PDZRN4: variants seen among roughly 807,000 people sequenced by gnomAD.
PDZRN4 encodes PDZ domain containing ring finger 4.
In PDZRN4, 70 loss-of-function variants were observed where a neutral mutation model predicts 99.0. That is an observed-to-expected ratio of 0.71 (90% CI 0.58 to 0.86). The LOEUF (loss-of-function observed/expected upper bound fraction) is 0.86. Ranked by LOEUF, PDZRN4 falls within the 40% of genes least tolerant of loss-of-function variation. The pLI is 0.00. For missense variants in PDZRN4, 1,474 were observed against 1,331.2 expected (o/e 1.11, Z -1.67); for synonymous variants, 551 against 501.6 (o/e 1.10, Z -1.32).
intron 3 of PDZRN4, among the ~76,000 whole-genome samples, chr12:41,428,802 C>T (rs1952561747): frequency 6.6e-6 from 1 of 152,124 alleles, no homozygotes; most frequent in Non-Finnish European, 1.5e-5. Flanking sequence ...TGAGCGAATG[C>T]AAGACCTGGC....
At chr12:41,439,490 G>A (rs1289720986) in intron 3 of PDZRN4, among the ~76,000 whole-genome samples, 2 of 152,068 alleles carry the variant, frequency 1.3e-5, no homozygotes, top group Non-Finnish European at 2.9e-5. Flanking sequence ...TATGGAGAGC[G>A]TGGTAGGTGG....
chr12:41,552,513 TA>T (rs11301675), intron 5 of PDZRN4, 142 bp from the exon 6 acceptor site: 203,687 of 398,958 alleles, frequency 0.51, 38,963 homozygotes, highest in East Asian at 0.56. Context: ...ATAATATTGG[TA>T]AAAAAAAAAA....
intron 7 of PDZRN4, among the ~76,000 whole-genome samples, chr12:41,560,164 T>C (rs1939245310): frequency 6.6e-6 from 1 of 152,206 alleles, no homozygotes; most frequent in African/African-American, 2.4e-5. Context: ...GATCACCTCC[T>C]TTGTCTCCAT....
intron 3 of PDZRN4, among the ~76,000 whole-genome samples, chr12:41,221,452 T>A (rs1199155094): frequency 6.6e-6 from 1 of 152,020 alleles, no homozygotes; most frequent in East Asian, 1.9e-4. Context: ...GAGCATTATA[T>A]GGAAGCTAGA....
rs12299607 is a variant in PDZRN4 at position 41,546,550 on chromosome 12, A to G, written c.1204-6106A>G. ...ACCTAGAAGAACATGTCAAACTATA[A>G]ACTGCTTGTGATTGTGAATGACTTT... On this transcript the variant is annotated intron_variant, in intron 5 of 9. Transcript: ENST00000402685. Among the ~76,000 whole-genome samples, 777 of 152,282 alleles carry G rather than the reference A, an allele frequency of 5.1e-3. 11 individuals are homozygous for G. The highest frequency in any genetic ancestry group is 0.018 in the African/African-American group (741 of 41,564).
intron 3 of PDZRN4, among the ~76,000 whole-genome samples, chr12:41,343,489 A>C (rs943438150): frequency 1.3e-5 from 2 of 151,956 alleles, no homozygotes; most frequent in East Asian, 3.9e-4. Flanking sequence ...CCATGTAACC[A>C]ATAACTACCT....
chr12:41,460,082 C>T, intron 3 of PDZRN4: 1 of 1,282,352 alleles, frequency 7.8e-7, no homozygotes, highest in Middle Eastern at 2.2e-4. Context: ...TAAATTTTCC[C>T]TATTTATATA....
intron 3 of PDZRN4, among the ~76,000 whole-genome samples, chr12:41,397,928 A>G (rs1203428357): frequency 4.6e-5 from 7 of 152,154 alleles, no homozygotes; most frequent in African/African-American, 1.7e-4. Flanking sequence ...GAGAGGTAAC[A>G]TGGTTTAAAA....
At chr12:41,242,229 T>C (rs1951105943) in intron 3 of PDZRN4, among the ~76,000 whole-genome samples, 1 of 152,206 alleles carries the variant, frequency 6.6e-6, no homozygotes. Flanking sequence ...TTAAACCCTA[T>C]TGAAAAGAAG....
chr12:41,363,512 AGGATGTAACTGTTTG>A (rs1951976867), intron 3 of PDZRN4, among the ~76,000 whole-genome samples: 1 of 152,104 alleles, frequency 6.6e-6, no homozygotes, highest in Admixed American at 6.6e-5. Flanking sequence ...GTATTTATTC[AGGATGTAACTGTTTG>A]GGATGCATCT....
intron 3 of PDZRN4, among the ~76,000 whole-genome samples, chr12:41,414,455 T>C (rs1952426340): frequency 6.6e-6 from 1 of 152,190 alleles, no homozygotes; most frequent in African/African-American, 2.4e-5. Flanking sequence ...GCCAATAATT[T>C]GTAAGTTTTG....
At chr12:41,496,642 A>C (rs1938010236) in intron 3 of PDZRN4, among the ~76,000 whole-genome samples, 1 of 152,130 alleles carries the variant, frequency 6.6e-6, no homozygotes, top group African/African-American at 2.4e-5. Context: ...CATTTAAGTC[A>C]AAGGAATAAT....
chr12:41,313,584 A>G (rs2120956227), intron 3 of PDZRN4, among the ~76,000 whole-genome samples: 1 of 152,198 alleles, frequency 6.6e-6, no homozygotes, highest in Non-Finnish European at 1.5e-5. Context: ...AATCTTCACT[A>G]ATAGGCACCT....
At chr12:41,424,293 A>G (rs1320973233) in intron 3 of PDZRN4, among the ~76,000 whole-genome samples, 2 of 152,176 alleles carry the variant, frequency 1.3e-5, no homozygotes, top group East Asian at 1.9e-4. Context: ...TCTATATGAC[A>G]CACCATGTAT....
chr12:41,227,005 A>C (rs1950999459), intron 3 of PDZRN4, among the ~76,000 whole-genome samples: 1 of 152,198 alleles, frequency 6.6e-6, no homozygotes, highest in Middle Eastern at 3.2e-3. Context: ...CCAAATTGCA[A>C]ATAGGCATAT....
At chr12:41,553,030 A>G (rs554716271) in intron 6 of PDZRN4, among the ~76,000 whole-genome samples, 154 of 152,244 alleles carry the variant, frequency 1.0e-3, no homozygotes, top group Non-Finnish European at 1.8e-3. Flanking sequence ...ATAAATTCCC[A>G]TAAGAATGCA....
intron 3 of PDZRN4, among the ~76,000 whole-genome samples, chr12:41,447,676 A>G (rs1253023127): frequency 2.6e-5 from 4 of 152,148 alleles, no homozygotes; most frequent in Non-Finnish European, 5.9e-5. Context: ...TCCCCATTTT[A>G]CAGATGAGAA....
chr12:41,233,021 G>A (rs1305390345), intron 3 of PDZRN4, among the ~76,000 whole-genome samples: 3 of 151,896 alleles, frequency 2.0e-5, no homozygotes, highest in Admixed American at 6.6e-5. Context: ...CTGTTCCATT[G>A]GTCTATATCT....
intron 5 of PDZRN4, among the ~76,000 whole-genome samples, chr12:41,532,786 C>G (rs1043550533): frequency 3.3e-5 from 5 of 152,054 alleles, no homozygotes; most frequent in African/African-American, 1.2e-4. Flanking sequence ...TATACCAAAC[C>G]CTTAGAATTG....
Sources: allele counts gnomAD v4.1 joint callset (sites outside exome capture counted in the v4.1 genomes callset), GRCh38; gene constraint gnomAD v4.1.1; transcripts MANE v1.5; gene names NCBI Gene and HGNC (gene_info 2026-07-23, HGNC 2026-07-21).